The following RHBDF1 variants were observed in gnomAD, a reference collection of about 807,000 sequenced individuals.
RHBDF1 encodes inactive rhomboid protein 1.
In RHBDF1, 80 loss-of-function variants were observed where a neutral mutation model predicts 98.6. That is an observed-to-expected ratio of 0.81 (90% CI 0.68 to 0.98). The LOEUF (loss-of-function observed/expected upper bound fraction) is 0.98, where lower values mean the gene tolerates loss of function less well. Ranked by LOEUF, RHBDF1 falls within the 50% of genes least tolerant of loss-of-function variation. RHBDF1 has a pLI of 0.00. For missense variants in RHBDF1, 1,116 were observed against 1,198.3 expected, an observed-to-expected ratio of 0.93 and a Z score of 1.01; for synonymous variants, 512 against 486.8, an observed-to-expected ratio of 1.05 and a Z score of -0.68.
chr16:61,990 C>T lies in RHBDF1; in HGVS notation c.1016G>A (p.Arg339Gln). 1.3e-6 allele frequency: 2 copies of T among 1,577,256 alleles called. No homozygotes were observed. Among genetic ancestry groups the T allele is most frequent in the Non-Finnish European group, 1.7e-6 (2 of 1,168,848 alleles). The change falls in exon 8 of 18, where the codon CGG becomes CAG. Residue 339 changes from arginine to glutamine, a missense_variant. By Grantham distance (43) the Arg-to-Gln change is conservative. Coordinates refer to ENST00000262316, the MANE Select transcript of RHBDF1 (RefSeq NM_022450.5). ...GGTGCTCACCACCTCCTGTCGGAGC[C>T]GCACCTTGGGCTGCGGGGCTGCGGC... Reference protein sequence around the residue: ...EGAAAPQPKVRLRQEVVSTAG... With the variant: ...EGAAAPQPKVQLRQEVVSTAG...
chr16:66,442 C>T (rs1361472060), intron 1 of RHBDF1, among the ~76,000 whole-genome samples: 1 of 152,172 alleles, frequency 6.6e-6, no homozygotes, highest in Non-Finnish European at 1.5e-5. Flanking sequence ...GCTCACAGCT[C>T]CTAATGGTCT....
At chr16:67,265 T>A (rs1301738817) in intron 1 of RHBDF1, among the ~76,000 whole-genome samples, 1 of 152,164 alleles carries the variant, frequency 6.6e-6, no homozygotes, top group Non-Finnish European at 1.5e-5. Flanking sequence ...CAGCATGTTC[T>A]CACCCAGAAA....
At chr16:60,115 GTCCCATGA>G in intron 13 of RHBDF1, 93 bp downstream of exon 13, 2 of 1,587,586 alleles carry the variant, frequency 1.3e-6, no homozygotes, top group South Asian at 2.3e-5. Context: ...ACGTGAGGTG[GTCCCATGA>G]TGGGAATCTC....
chr16:66,818 C>T (rs1277744383), intron 1 of RHBDF1, among the ~76,000 whole-genome samples: 1 of 152,238 alleles, frequency 6.6e-6, no homozygotes, highest in East Asian at 1.9e-4. Context: ...AGGGCAGCAA[C>T]TCCACATCAC....
rs1353755428 is a variant in RHBDF1 at position 72,625 on chromosome 16, G to T, written c.-137C>A. ...CCCGCCCGCCGGTCCGGCCCGCCCG[G>T]GAATGCCCTGGAGCGAGGGGCGTGC... On this transcript the variant is annotated 5_prime_UTR_variant, in exon 1 of 18. Coordinates refer to ENST00000262316, the MANE Select transcript of RHBDF1 (RefSeq NM_022450.5). 5 of 965,906 alleles carry T rather than the reference G, an allele frequency of 5.2e-6. No individual in the cohort carries two copies. The East Asian group carries it at 3.9e-4, about 76-fold the overall frequency. The allele number at this position is 965,906 out of a possible 1,614,324, so 59.8% of individuals were successfully genotyped here.
Position 58,742 on chromosome 16 carries a change from G to C in RHBDF1, c.2166C>G (p.Ser722=). The C allele has an allele frequency of 6.2e-7, 1 of 1,612,492 alleles. No individual in the cohort carries two copies. The highest frequency in any genetic ancestry group is 2.2e-5 in the East Asian group (1 of 44,872). The change falls in exon 18 of 18, where the codon TCC becomes TCG. Residue 722 remains serine, a synonymous_variant. Transcript: ENST00000262316. ...PYRAEVGPAG[S]QFGILACLFV... ...AGAGGCAGGCCAGGATGCCGAACTG[G>C]GAGCCAGCAGGACCCACCTGGGGGA...
chr16:66,850 C>T (rs1315277918), intron 1 of RHBDF1, among the ~76,000 whole-genome samples: 1 of 152,200 alleles, frequency 6.6e-6, no homozygotes, highest in Non-Finnish European at 1.5e-5. Context: ...TCCAGGGCCC[C>T]TCACCCATGC....
At chr16:69,028 C>T (rs1040838524) in intron 1 of RHBDF1, among the ~76,000 whole-genome samples, 1 of 152,256 alleles carries the variant, frequency 6.6e-6, no homozygotes, top group Non-Finnish European at 1.5e-5. Flanking sequence ...ACAGTAGCAG[C>T]GGCTGACTCC....
At chr16:61,009 G>C in intron 11 of RHBDF1, 111 bp downstream of exon 11, 2 of 1,232,350 alleles carry the variant, frequency 1.6e-6, no homozygotes, top group Non-Finnish European at 2.2e-6. Flanking sequence ...GCGTAAGGAC[G>C]GCGGGATGTG....
rs140291610 is a variant in RHBDF1, at chr16:63,035, G to A, written c.610C>T (p.Arg204Trp). Reference protein sequence around the residue: ...SSRSGFHRLPRRRKRESVAKM... With the variant: ...SSRSGFHRLPWRRKRESVAKM... ...GCCACCGACTCTCGCTTGCGCCGCC[G>A]CGGGAGCCGGTGGAAACCTGAGCGG... The change falls in exon 5 of 18, where the codon CGG (arginine) becomes TGG (tryptophan). Residue 204 changes from arginine to tryptophan, a missense_variant. Coordinates refer to ENST00000262316, the MANE Select transcript of RHBDF1 (RefSeq NM_022450.5). 13 of 1,612,754 alleles carry A rather than the reference G, an allele frequency of 8.1e-6. No individual in the cohort carries two copies. Among genetic ancestry groups the A allele is most frequent in the Middle Eastern group, 3.3e-4 (2 of 6,056 alleles).
chr16:63,526 C>A lies in RHBDF1; in HGVS notation c.462+61G>T, dbSNP rs1297752750. On this transcript the variant is annotated intron_variant, in intron 4 of 17. Coordinates refer to ENST00000262316, the MANE Select transcript of RHBDF1 (RefSeq NM_022450.5). ...CTTCTGCTCAGGCTGGCTGTGTCCG[C>A]AGCCCCAGCCCCTGAGAGCGGAAGG... 2.9e-6 allele frequency: 4 copies of A among 1,402,826 alleles called. No individual in the cohort carries two copies. The African/African-American group carries it at 4.3e-5, about 15-fold the overall frequency. The allele number at this position is 1,402,826 out of a possible 1,614,324, so 86.9% of individuals were successfully genotyped here.
At chr16:72,364 C>G in intron 1 of RHBDF1, 149 bp downstream of exon 1, 1 of 247,584 alleles carries the variant, frequency 4.0e-6, no homozygotes, top group Non-Finnish European at 6.5e-6. Flanking sequence ...CGCCGCGACC[C>G]CTCCCCGGCC....
rs1897509078 is a variant in RHBDF1, at chr16:59,260, G to A, written c.1983C>T (p.Phe661=). Reference sequence around the variant, plus strand: ...ACAGTGTCACTTGCCCGGCGTGCAGGAAGAGGGATAGCCACAGGCGGTAGA... The same window carrying A: ...ACAGTGTCACTTGCCCGGCGTGCAGAAAGAGGGATAGCCACAGGCGGTAGA... ...DQFYRLWLSL[F]LHAGILHCLV... The change falls in exon 16 of 18, where the codon TTC becomes TTT. Residue 661 remains phenylalanine, a synonymous_variant. Transcript: ENST00000262316. The A allele has an allele frequency of 6.2e-7, 1 of 1,605,076 alleles. No individual in the cohort carries two copies. Among genetic ancestry groups the A allele is most frequent in the Non-Finnish European group, 8.5e-7 (1 of 1,174,896 alleles).
Position 62,973 on chromosome 16 carries a change from T to A in RHBDF1, c.672A>T (p.Lys224Asn), listed in dbSNP as rs749376800. The A allele has an allele frequency of 6.2e-7, 1 of 1,611,990 alleles. No homozygotes were observed. The change falls in exon 5 of 18, where the codon AAA becomes AAT. Residue 224 changes from lysine to asparagine, a missense_variant and splice_region_variant. Transcript: ENST00000262316. The part of the protein sequence containing the change: ...MSFRAAAALM[K>N]GRSVRDGTFR... ...CCCCGCCTTTGGCCCCTGCACCCAC[T>A]TTCATCAGCGCTGCGGCCGCCCGGA...
intron 14 of RHBDF1, 85 bp from the exon 15 acceptor site, chr16:59,579 C>A: frequency 6.7e-7 from 1 of 1,495,818 alleles, no homozygotes; most frequent in East Asian, 2.3e-5. Flanking sequence ...CCGCACCTAC[C>A]CACCTTTGTT....
upstream of RHBDF1, among the ~76,000 whole-genome samples, chr16:73,355 C>T (rs1033597480): frequency 2.0e-5 from 3 of 152,166 alleles, no homozygotes; most frequent in South Asian, 2.1e-4. Flanking sequence ...CAGGCTGCAC[C>T]GGCCCCACCC....
At chr16:58,927 G>C (rs1311696031) in intron 17 of RHBDF1, 47 bp downstream of exon 17, 2 of 1,603,944 alleles carry the variant, frequency 1.2e-6, no homozygotes, top group Non-Finnish European at 1.7e-6. Flanking sequence ...TTCACAGCAG[G>C]CTGCAGGTGC....
At chr16:65,234 G>A (rs1026174290) in intron 1 of RHBDF1, among the ~76,000 whole-genome samples, 195 bp from the exon 2 acceptor site, 1 of 152,222 alleles carries the variant, frequency 6.6e-6, no homozygotes, top group Non-Finnish European at 1.5e-5. Flanking sequence ...ACAGTGCTGG[G>A]CACAGCCTAG....
rs776988250 is a variant in RHBDF1 at position 63,093 on chromosome 16, C to T, written c.552G>A (p.Pro184=). The part of the protein sequence containing the change: ...GLSAPHTPVT[P]GAASLCSFSS... The stretch of plus-strand genomic sequence containing the variant: ...AGAAGGAGCAGAGGGAGGCAGCACC[C>T]GGCGTGACGGGAGTGTGTGGGGCAC... The change falls in exon 5 of 18, where the codon CCG becomes CCA. Residue 184 remains proline (P), a synonymous_variant. Coordinates refer to ENST00000262316, the MANE Select transcript of RHBDF1 (RefSeq NM_022450.5). The T allele has an allele frequency of 1.1e-5, 18 of 1,610,112 alleles. No individual in the cohort carries two copies. The highest frequency in any genetic ancestry group is 4.4e-5 in the South Asian group (4 of 90,704).
Sources: allele counts gnomAD v4.1 joint callset (sites outside exome capture counted in the v4.1 genomes callset), GRCh38; gene constraint gnomAD v4.1.1; transcripts MANE v1.5; gene names NCBI Gene and HGNC (gene_info 2026-07-23, HGNC 2026-07-21).